Variants in ACTR3C observed in about 807,000 individuals in gnomAD.
ACTR3C encodes the protein actin related protein 3C.
Under a neutral mutation model 26.3 loss-of-function variants are expected in ACTR3C, and 18 were observed. The observed-to-expected ratio is 0.68, with a 90% CI of 0.47 to 1.01. The LOEUF (loss-of-function observed/expected upper bound fraction) is 1.01, where lower values mean the gene tolerates loss of function less well. Ranked by LOEUF, ACTR3C falls within the 50% of genes least tolerant of loss-of-function variation. The pLI, the probability that ACTR3C is intolerant of heterozygous loss-of-function variation, is 0.00. For synonymous variants in ACTR3C, 55 were observed against 94.5 expected (o/e 0.58, Z 2.42); for missense variants, 184 against 250.7 (o/e 0.73, Z 1.80).
the ACTR3C span, among the ~76,000 whole-genome samples, chr7:149,939,461 G>A: frequency 6.6e-6 from 1 of 152,178 alleles, no homozygotes; most frequent in Non-Finnish European, 1.5e-5. Context: ...TACCCACGTT[G>A]TGCATACATT....
chr7:149,967,815 C>A, the ACTR3C span, among the ~76,000 whole-genome samples: 1 of 152,146 alleles, frequency 6.6e-6, no homozygotes, highest in East Asian at 1.9e-4. Context: ...ATGACCTCTA[C>A]CATAAAGTTG....
the ACTR3C span, among the ~76,000 whole-genome samples, chr7:149,930,711 G>A: frequency 6.6e-6 from 1 of 152,154 alleles, no homozygotes; most frequent in Admixed American, 6.5e-5. Context: ...TTTTCATATT[G>A]TAGACAGTTG....
chr7:150,165,177 C>A, the ACTR3C span, among the ~76,000 whole-genome samples: 3 of 152,226 alleles, frequency 2.0e-5, no homozygotes, highest in East Asian at 5.8e-4. Context: ...TGCCACCACA[C>A]AACCATCTGA....
At chr7:150,238,004 G>A in the ACTR3C span, among the ~76,000 whole-genome samples, 1 of 150,080 alleles carries the variant, frequency 6.7e-6, no homozygotes, top group Admixed American at 6.6e-5. Context: ...CCCGCATAGT[G>A]TTCTTGGCCT....
chr7:150,084,457 G>A, the ACTR3C span, among the ~76,000 whole-genome samples: 1 of 152,150 alleles, frequency 6.6e-6, no homozygotes, highest in Non-Finnish European at 1.5e-5. Context: ...AAGACAAAGA[G>A]ATTGTGTGGC....
downstream of ACTR3C, among the ~76,000 whole-genome samples, chr7:150,242,245 G>T (rs1832227658): frequency 6.6e-6 from 1 of 150,762 alleles, no homozygotes; most frequent in South Asian, 2.1e-4. Flanking sequence ...GGTGGGGGAA[G>T]AATATATTCA....
At chr7:150,186,834 C>T in the ACTR3C span, among the ~76,000 whole-genome samples, 1 of 151,950 alleles carries the variant, frequency 6.6e-6, no homozygotes, top group South Asian at 2.1e-4. Flanking sequence ...TACCTGGCAC[C>T]AACTTTACAC....
chr7:150,136,032 C>T, the ACTR3C span, among the ~76,000 whole-genome samples: 8 of 152,050 alleles, frequency 5.3e-5, no homozygotes, highest in Non-Finnish European at 1.2e-4. Flanking sequence ...ATGTTGGCGC[C>T]GGTGGCCCAA....
At chr7:150,248,135 C>G (rs994645035) in intron 7 of ACTR3C, 15 of 152,286 alleles carry the variant, frequency 9.8e-5, no homozygotes, top group African/African-American at 3.6e-4. Flanking sequence ...ATTTTCCACC[C>G]TAGCTCCTGT....
chr7:149,969,147 C>A, the ACTR3C span, among the ~76,000 whole-genome samples: 2,023 of 152,296 alleles, frequency 0.013, 46 homozygotes, highest in African/African-American at 0.047. Flanking sequence ...GAGGGAACAG[C>A]TGAGAACAGC....
At chr7:150,004,575 C>A in the ACTR3C span, 1 of 152,130 alleles carries the variant, frequency 6.6e-6, no homozygotes, top group Non-Finnish European at 1.5e-5. Flanking sequence ...AATCGCCCCA[C>A]AATTACTTGT....
At chr7:149,980,442 G>A in the ACTR3C span, among the ~76,000 whole-genome samples, 1 of 152,162 alleles carries the variant, frequency 6.6e-6, no homozygotes, top group Non-Finnish European at 1.5e-5. Flanking sequence ...AACATAAATG[G>A]TTCCTTTCCT....
the ACTR3C span, among the ~76,000 whole-genome samples, chr7:149,953,348 A>G: frequency 6.7e-6 from 1 of 149,842 alleles, no homozygotes; most frequent in South Asian, 2.1e-4. Context: ...AGTATAGGTC[A>G]CTTTTGTATT....
the ACTR3C span, among the ~76,000 whole-genome samples, chr7:150,129,494 A>T: frequency 4.9e-4 from 74 of 152,372 alleles, 1 homozygote; most frequent in East Asian, 0.014. Context: ...AAATCCTAAG[A>T]AATGTATGGA....
At chr7:150,260,464 G>C (rs1410680549) in intron 6 of ACTR3C, among the ~76,000 whole-genome samples, 1 of 152,182 alleles carries the variant, frequency 6.6e-6, no homozygotes, top group Admixed American at 6.5e-5. Context: ...GTTTTGTAGA[G>C]GGAAAGGGAA....
chr7:150,029,773 C>T, the ACTR3C span, among the ~76,000 whole-genome samples: 1 of 152,086 alleles, frequency 6.6e-6, no homozygotes, highest in African/African-American at 2.4e-5. Flanking sequence ...GAGGGTCATT[C>T]TGAATGGCTT....
chr7:150,068,543 C>T, the ACTR3C span, among the ~76,000 whole-genome samples: 2 of 151,504 alleles, frequency 1.3e-5, no homozygotes, highest in African/African-American at 4.9e-5. Context: ...GGGAGGCTGA[C>T]GCGGGAGGAT....
chr7:150,047,792 G>A, the ACTR3C span: 1 of 1,528,472 alleles, frequency 6.5e-7, no homozygotes, highest in Non-Finnish European at 8.8e-7. Flanking sequence ...TCGCCTCCGG[G>A]GGCGTGGGGA....
chr7:150,306,389 T>C lies in ACTR3C; in HGVS notation c.-51-11042A>G, dbSNP rs867238493. Among the ~76,000 whole-genome samples, 11 of 152,246 alleles carry C rather than the reference T, an allele frequency of 7.2e-5. No homozygotes were observed. In the South Asian group the frequency reaches 1.9e-3, roughly 26 times the overall value. On this transcript the variant is annotated intron_variant, in intron 1 of 7. Coordinates refer to ENST00000683684, the MANE Select transcript of ACTR3C (RefSeq NM_001164458.2). ...GCTGAAGTAGACAGAAGGAAGCAGC[T>C]GGGCTCGGTGCCTGCTCCTAAAATC...
Sources: allele counts gnomAD v4.1 joint callset (sites outside exome capture counted in the v4.1 genomes callset), GRCh38; gene constraint gnomAD v4.1.1; transcripts MANE v1.5; gene names NCBI Gene and HGNC (gene_info 2026-07-23, HGNC 2026-07-21).